The following RANBP2 variants were observed in gnomAD, a reference collection of about 807,000 sequenced individuals.
RANBP2 encodes RAN binding protein 2.
In RANBP2, 57 loss-of-function variants were observed where a neutral mutation model predicts 303.6. The ratio of observed to expected loss-of-function variants is 0.19; its 90% CI spans 0.15 to 0.23. The LOEUF (loss-of-function observed/expected upper bound fraction) is 0.23. RANBP2 is among the 10% of genes least tolerant of loss of function. The pLI is 1.00. For synonymous variants in RANBP2, 1,167 were observed against 1,301.5 expected (o/e 0.90, Z 2.23); for missense variants, 3,138 against 3,780.8 (o/e 0.83, Z 4.46).
the RANBP2 span, among the ~76,000 whole-genome samples, chr2:109,374,387 C>T: frequency 1.3e-5 from 2 of 152,360 alleles, no homozygotes; most frequent in African/African-American, 4.8e-5. Flanking sequence ...ACAGGTGTTT[C>T]CTGGGACTTT....
chr2:109,694,322 C>A, the RANBP2 span, among the ~76,000 whole-genome samples: 1 of 152,056 alleles, frequency 6.6e-6, no homozygotes, highest in African/African-American at 2.4e-5. Context: ...TCTGCCATGA[C>A]TGGAAGCTTC....
chr2:109,153,300 A>G, the RANBP2 span, among the ~76,000 whole-genome samples: 2 of 152,202 alleles, frequency 1.3e-5, no homozygotes, highest in South Asian at 2.1e-4. Context: ...CTGGAAACCC[A>G]TTTCTGAGAA....
chr2:109,682,030 C>T, the RANBP2 span, among the ~76,000 whole-genome samples: 1 of 152,146 alleles, frequency 6.6e-6, no homozygotes, highest in Non-Finnish European at 1.5e-5. Flanking sequence ...GAGGTGGGGT[C>T]CAGGACCCCA....
the RANBP2 span, among the ~76,000 whole-genome samples, chr2:109,724,727 C>T: frequency 6.6e-6 from 1 of 152,156 alleles, no homozygotes; most frequent in African/African-American, 2.4e-5. Flanking sequence ...CTTTTGCACC[C>T]CTCCTCCCAG....
chr2:108,939,881 C>G, the RANBP2 span, among the ~76,000 whole-genome samples: 1 of 152,214 alleles, frequency 6.6e-6, no homozygotes, highest in South Asian at 2.1e-4. Context: ...CTGGACTCCA[C>G]TAGAGAACAG....
rs34872068 is a variant in RANBP2, at chr2:108,741,495, CTTTTTTTTT to C, written c.975+834_975+842del. 4.9e-5 allele frequency among the ~76,000 whole-genome samples: 3 copies of C among 61,784 alleles called. 1 individual carries two copies. The highest frequency in any genetic ancestry group is 2.7e-4 in the Admixed American group (1 of 3,718). The allele number at this position is 61,784 out of a possible 152,430, so 40.5% of individuals were successfully genotyped here. On this transcript the variant is annotated intron_variant, in intron 7 of 28. Transcript: ENST00000283195. ...ACAGGCGCAAGCCACTGCGCCTGGC[CTTTTTTTTT>C]TTTTTTTTTTTTTTTTTTTGAGATG...
chr2:109,653,445 T>A, the RANBP2 span, among the ~76,000 whole-genome samples: 2,205 of 151,630 alleles, frequency 0.015, 60 homozygotes, highest in African/African-American at 0.05. Context: ...CTGTCATGCA[T>A]GACAGGCACT....
At chr2:109,330,519 A>G in the RANBP2 span, among the ~76,000 whole-genome samples, 1 of 152,080 alleles carries the variant, frequency 6.6e-6, no homozygotes, top group Admixed American at 6.5e-5. Context: ...CCCCCCTTGT[A>G]TTGTTAGATG....
At chr2:109,604,429 GAAAGA>G in the RANBP2 span, among the ~76,000 whole-genome samples, 12 of 139,096 alleles carry the variant, frequency 8.6e-5, no homozygotes, top group Admixed American at 7.7e-4. Context: ...AAAAAAGAAA[GAAAGA>G]AAAGAAAAGA....
At chr2:109,269,009 A>G in the RANBP2 span, among the ~76,000 whole-genome samples, 1 of 152,240 alleles carries the variant, frequency 6.6e-6, no homozygotes, top group African/African-American at 2.4e-5. Flanking sequence ...AGACATGCCC[A>G]GGTGATGAGG....
rs1353047146 is a variant in RANBP2 at position 108,766,600 on chromosome 2, G to A, written c.6061G>A (p.Glu2021Lys). The change falls in exon 20 of 29, where the codon GAA becomes AAA. Residue 2021 changes from glutamate (E) to lysine (K), a missense_variant. Glu to Lys is a moderately conservative substitution (Grantham distance 56). Around this residue, in one of 20 missense-constraint regions of RANBP2, gnomAD observed 348 missense variants for 360.4 expected, o/e 0.97. Coordinates refer to ENST00000283195, the MANE Select transcript of RANBP2 (RefSeq NM_006267.5). ...TTTTGAACCAGTAGTTCAAATGCCC[G>A]AAAAAGTAGAACTTGTAACAGGAGA... ...IHFEPVVQMP[E>K]KVELVTGEED... is the part of the protein sequence containing the mutation. 10 of 1,611,792 alleles carry A rather than the reference G, an allele frequency of 6.2e-6. No individual in the cohort carries two copies. The highest frequency in any genetic ancestry group is 2.2e-5 in the South Asian group (2 of 90,996).
At chr2:109,304,897 G>A in the RANBP2 span, among the ~76,000 whole-genome samples, 6 of 152,286 alleles carry the variant, frequency 3.9e-5, 1 homozygote, top group African/African-American at 1.4e-4. Context: ...ACGCTGCTGA[G>A]GTCAAGTGCC....
At chr2:109,144,530 G>A in the RANBP2 span, among the ~76,000 whole-genome samples, 2 of 152,232 alleles carry the variant, frequency 1.3e-5, no homozygotes, top group African/African-American at 4.8e-5. Flanking sequence ...GAGTTTGAAC[G>A]AGGTGAATAT....
At chr2:109,719,673 G>T in the RANBP2 span, among the ~76,000 whole-genome samples, 2 of 152,054 alleles carry the variant, frequency 1.3e-5, no homozygotes, top group Non-Finnish European at 2.9e-5. Context: ...CCAAAGTACT[G>T]GGATGACAGG....
the RANBP2 span, among the ~76,000 whole-genome samples, chr2:109,600,841 C>A: frequency 9.2e-5 from 14 of 152,246 alleles, no homozygotes; most frequent in African/African-American, 3.4e-4. Flanking sequence ...TCCCCACAAC[C>A]CCCATCTCGG....
chr2:109,430,787 T>C, the RANBP2 span, among the ~76,000 whole-genome samples: 21 of 152,314 alleles, frequency 1.4e-4, 1 homozygote, highest in South Asian at 3.5e-3. Flanking sequence ...GATGATTTTG[T>C]GTATCCTCCT....
the RANBP2 span, chr2:108,794,667 A>G: frequency 1.0e-4 from 167 of 1,614,038 alleles, no homozygotes; most frequent in Middle Eastern, 3.3e-4. Context: ...GTTTACTTCC[A>G]CATCAGATCA....
chr2:109,270,022 T>A, the RANBP2 span, among the ~76,000 whole-genome samples: 1 of 152,170 alleles, frequency 6.6e-6, no homozygotes, highest in Non-Finnish European at 1.5e-5. Context: ...CTTAATAGAT[T>A]GCGATTGAAG....
the RANBP2 span, among the ~76,000 whole-genome samples, chr2:109,069,271 C>T: frequency 2.0e-5 from 3 of 152,256 alleles, no homozygotes; most frequent in African/African-American, 7.2e-5. Flanking sequence ...ATTCTCAATA[C>T]AGCCTTTGAG....
Sources: gnomAD v4.1 joint callset for allele counts (sites outside exome capture counted in the v4.1 genomes callset) on GRCh38, gnomAD v4.1.1 for gene constraint, gnomAD v4.1.1 regional missense constraint, MANE v1.5 for transcripts, NCBI Gene and HGNC (gene_info 2026-07-23, HGNC 2026-07-21) for gene names.